Variants in KIF15 observed in about 807,000 individuals in gnomAD.
KIF15 encodes kinesin family member 15.
Under a neutral mutation model 190.6 loss-of-function variants are expected in KIF15, and 140 were observed. That is an observed-to-expected ratio of 0.73 (90% CI 0.64 to 0.84). The LOEUF (loss-of-function observed/expected upper bound fraction) is 0.84, where lower values mean the gene tolerates loss of function less well. Ranked by LOEUF, KIF15 falls within the 40% of genes least tolerant of loss-of-function variation. The pLI, the probability that KIF15 is intolerant of heterozygous loss-of-function variation, is 0.00. For synonymous variants in KIF15, 528 were observed against 551.3 expected, an observed-to-expected ratio of 0.96 and a Z score of 0.59; for missense variants, 1,372 against 1,584.4, an observed-to-expected ratio of 0.87 and a Z score of 2.28.
At chr3:44,811,600 G>A (rs560374081) in intron 17 of KIF15, among the ~76,000 whole-genome samples, 388 of 152,178 alleles carry the variant, frequency 2.5e-3, no homozygotes, top group Non-Finnish European at 4.3e-3. Flanking sequence ...AGCCGAGATC[G>A]CGCCACTGCA....
At chr3:44,773,309 C>G (rs943649617) in intron 1 of KIF15, among the ~76,000 whole-genome samples, 1 of 152,172 alleles carries the variant, frequency 6.6e-6, no homozygotes, top group African/African-American at 2.4e-5. Flanking sequence ...TGTTTCTTCC[C>G]TGGGGCTTGA....
In KIF15 at chr3:44,761,812, C is replaced by A. The variant is rs1194440473; in HGVS notation, c.-54C>A. On this transcript the variant is annotated 5_prime_UTR_variant, in exon 1 of 35. Coordinates refer to ENST00000326047, the MANE Select transcript of KIF15 (RefSeq NM_020242.3). The stretch of plus-strand genomic sequence containing the variant: ...GGAATTCAGTCGCGCGCGGTGCAGT[C>A]GGGAGGTGGAGGCACCGGCTGCATT... 6.2e-7 allele frequency: 1 copy of A among 1,613,228 alleles called. No individual in the cohort carries two copies. The highest frequency in any genetic ancestry group is 8.5e-7 in the Non-Finnish European group (1 of 1,179,256).
chr3:44,810,919 GC>G lies in KIF15; in HGVS notation c.2046del (p.Phe683LeufsTer12). 1.2e-6 allele frequency: 2 copies of G among 1,613,934 alleles called. No homozygotes were observed. Among genetic ancestry groups the G allele is most frequent in the Non-Finnish European group, 8.5e-7 (1 of 1,179,938 alleles). On this transcript the variant is annotated frameshift_variant, in exon 17 of 35. Transcript: ENST00000326047. LOFTEE classifies it high-confidence loss of function. Reference sequence around the variant, plus strand: ...CCAAAATTAAGCCCTGAAATGGGAAGCTTTGGCTCTCTATACACTCAGAATT... The same window carrying G: ...CCAAAATTAAGCCCTGAAATGGGAAGTTTGGCTCTCTATACACTCAGAATT... ...PVPKLSPEMG[S>X]FGSLYTQNSS...
At chr3:44,829,712 T>C (rs1394994587) in intron 24 of KIF15, among the ~76,000 whole-genome samples, 2 of 131,540 alleles carry the variant, frequency 1.5e-5, no homozygotes, top group Non-Finnish European at 3.1e-5. Context: ...ATTATAGATG[T>C]ATATATATTA....
At position 44,826,192 on chromosome 3, in the gene KIF15, A is replaced by T. The variant is rs1283562569; in HGVS notation, c.2700+3A>T. ...AAACTCTGAAATCTGATCTGAATGT[A>T]TGTTAAGAAGGGTGAATTTGTCCCG... On this transcript the variant is annotated splice_donor_region_variant and intron_variant, in intron 21 of 34. Coordinates refer to ENST00000326047, the MANE Select transcript of KIF15 (RefSeq NM_020242.3). The T allele has an allele frequency of 1.3e-6, 2 of 1,575,342 alleles. No individual in the cohort carries two copies. The highest frequency in any genetic ancestry group is 1.7e-6 in the Non-Finnish European group (2 of 1,168,202).
At chr3:44,806,164 T>C (rs1707492377) in intron 16 of KIF15, among the ~76,000 whole-genome samples, 178 bp downstream of exon 16, 1 of 152,124 alleles carries the variant, frequency 6.6e-6, no homozygotes, top group African/African-American at 2.4e-5. Flanking sequence ...ATCCCCCCAG[T>C]GGTAGGGTGG....
rs184013664 is a variant in KIF15, at chr3:44,826,275, T to C, written c.2700+86T>C. On this transcript the variant is annotated intron_variant, in intron 21 of 34. Coordinates refer to ENST00000326047, the MANE Select transcript of KIF15 (RefSeq NM_020242.3). ...GGACTGTCCTTTCCTCCTTCTTTGC[T>C]ATACTTGCCCACAGTGCCTGCCACA... 5.5e-4 allele frequency: 858 copies of C among 1,555,548 alleles called. 17 individuals are homozygous for C. In the Admixed American group the frequency reaches 0.015, roughly 27 times the overall value.
rs149678872 is a variant in KIF15 at position 44,766,672 on chromosome 3, A to G, written c.19+4788A>G. On this transcript the variant is annotated intron_variant, in intron 1 of 34. Coordinates refer to ENST00000326047, the MANE Select transcript of KIF15 (RefSeq NM_020242.3). ...TTGCTGAGATGGGAGGGAGACAGCA[A>G]TCTTGTTTCAAATAACACAGGATCA... Among the ~76,000 whole-genome samples, 211 of 152,248 alleles carry G rather than the reference A, an allele frequency of 1.4e-3. 1 individual carries two copies. The highest frequency in any genetic ancestry group is 3.4e-3 in the Middle Eastern group (1 of 294).
intron 1 of KIF15, among the ~76,000 whole-genome samples, chr3:44,763,979 C>A (rs1705277029): frequency 6.6e-6 from 1 of 152,234 alleles, no homozygotes; most frequent in Non-Finnish European, 1.5e-5. Flanking sequence ...TGAGCCACTG[C>A]ACCTGGCCTA....
chr3:44,819,298 G>A (rs1460060202), intron 20 of KIF15, among the ~76,000 whole-genome samples: 1 of 152,036 alleles, frequency 6.6e-6, no homozygotes, highest in African/African-American at 2.4e-5. Flanking sequence ...TTTTGAATTT[G>A]TTTGCTCTTG....
At chr3:44,787,851 TA>T (rs1221387538) in intron 7 of KIF15, among the ~76,000 whole-genome samples, 1 of 152,186 alleles carries the variant, frequency 6.6e-6, no homozygotes, top group African/African-American at 2.4e-5. Context: ...CATTTTTATT[TA>T]TTTTTTTATT....
intron 1 of KIF15, among the ~76,000 whole-genome samples, chr3:44,771,943 A>G (rs960858259): frequency 6.6e-5 from 10 of 152,338 alleles, no homozygotes; most frequent in African/African-American, 2.2e-4. Flanking sequence ...TTTTGATGAC[A>G]TCTGCATTTT....
At chr3:44,766,917 T>TCTCCTGC (rs1705410754) in intron 1 of KIF15, among the ~76,000 whole-genome samples, 2 of 151,056 alleles carry the variant, frequency 1.3e-5, no homozygotes, top group Middle Eastern at 3.2e-3. Context: ...TTCACGCCAT[T>TCTCCTGC]CTCCTGCCTC....
chr3:44,851,635 AC>A (rs768741627), intron 32 of KIF15, 151 bp from the exon 33 acceptor site: 3 of 554,834 alleles, frequency 5.4e-6, no homozygotes, highest in Non-Finnish European at 9.4e-6. Context: ...TGTAGCACTT[AC>A]TGTCTTCTTT....
At chr3:44,852,572 T>C (rs953336470) in intron 34 of KIF15, 101 bp from the exon 35 acceptor site, 16 of 914,582 alleles carry the variant, frequency 1.7e-5, no homozygotes, top group Non-Finnish European at 2.3e-5. Context: ...AAAATTCCAG[T>C]CTTAATTTGA....
intron 19 of KIF15, among the ~76,000 whole-genome samples, chr3:44,813,630 G>T (rs867413193): frequency 0.01 from 1,282 of 122,920 alleles, 21 homozygotes; most frequent in African/African-American, 0.035. Context: ...TGTTTGTTTT[G>T]TTTTTTTTTT....
intron 27 of KIF15, among the ~76,000 whole-genome samples, chr3:44,838,821 C>T (rs1011044210): frequency 2.0e-5 from 3 of 151,650 alleles, no homozygotes; most frequent in African/African-American, 7.3e-5. Flanking sequence ...CTGCATTGGC[C>T]AACTTCTCCA....
intron 19 of KIF15, among the ~76,000 whole-genome samples, chr3:44,814,327 G>A (rs1056614116): frequency 6.6e-6 from 1 of 151,330 alleles, no homozygotes; most frequent in Non-Finnish European, 1.5e-5. Context: ...TGTTTGTTTT[G>A]AGACAGAGTC....
intron 5 of KIF15, among the ~76,000 whole-genome samples, chr3:44,782,172 T>C (rs1034251008): frequency 6.6e-6 from 1 of 152,160 alleles, no homozygotes; most frequent in African/African-American, 2.4e-5. Flanking sequence ...AGCCTCAGCT[T>C]CCCAAGTAGC....
Sources: gnomAD v4.1 joint callset for allele counts (sites outside exome capture counted in the v4.1 genomes callset) on GRCh38, gnomAD v4.1.1 for gene constraint, MANE v1.5 for transcripts, NCBI Gene and HGNC (gene_info 2026-07-23, HGNC 2026-07-21) for gene names.